The following IER3 variants were observed in gnomAD, a reference collection of about 807,000 sequenced individuals.
IER3 encodes radiation-inducible immediate-early gene IEX-1.
In IER3, 5 loss-of-function variants were observed where a neutral mutation model predicts 5.4. The ratio of observed to expected loss-of-function variants is 0.92; its 90% CI spans 0.48 to 1.94. IER3 has a LOEUF of 1.94. Among genes scored for constraint, IER3 ranks in the 30% most tolerant of loss-of-function variants. The pLI is 0.01. For synonymous variants in IER3, 81 were observed against 97.8 expected, an observed-to-expected ratio of 0.83 and a Z score of 1.01; for missense variants, 158 against 218.2, an observed-to-expected ratio of 0.72 and a Z score of 1.74.
In IER3 at chr6:30,744,185, C is replaced by T. The variant is rs774522390; in HGVS notation, c.222G>A (p.Gln74=). The change falls in exon 2 of 2, where the codon CAG becomes CAA. Residue 74 remains glutamine (Q), a synonymous_variant. Transcript: ENST00000259874. The surrounding 1 kb of genome is among the most constrained non-coding windows in gnomAD (Gnocchi z 6.0). ...RVLYPRVVRR[Q]LPVEEPNPAK... ...CTGGGTTCGGTTCCTCGACTGGCAG[C>T]TGGCGCCGGACCTAAGGGGAGACAA... 5.0e-6 allele frequency: 8 copies of T among 1,613,670 alleles called. No homozygotes were observed. The South Asian group carries it at 8.8e-5, about 18-fold the overall frequency.
rs1778195164 is a variant in IER3, at chr6:30,743,758, G to T, written c.*178C>A. The T allele has an allele frequency of 3.7e-6, 3 of 809,704 alleles. No individual in the cohort carries two copies. The East Asian group carries it at 8.4e-5, about 23-fold the overall frequency. The allele number at this position is 809,704 out of a possible 1,614,324, so 50.2% of individuals were successfully genotyped here. On this transcript the variant is annotated 3_prime_UTR_variant, in exon 2 of 2. Coordinates refer to ENST00000259874, the MANE Select transcript of IER3 (RefSeq NM_003897.4). The surrounding 1 kb of genome is among the most constrained non-coding windows in gnomAD (Gnocchi z 6.5). ...CTGGGCTGTGCCTCGGTCTCTATGC[G>T]CCTCGGTCTCTGTGCGCCTCGGTCC...
At position 30,744,313 on chromosome 6, in the gene IER3, C is replaced by A; in HGVS notation, c.206G>T (p.Arg69Leu). ...RKRSRRVLYP[R>L]VVRRQLPVEE... ...GCCCACTTCGGCGATACTCACCACTCGAGGGTAGAGAACCCTGCGGCTGCG... is the reference window on the plus strand; with the variant it reads ...GCCCACTTCGGCGATACTCACCACTAGAGGGTAGAGAACCCTGCGGCTGCG... Residue 69 changes from arginine (R) to leucine (L), a missense_variant, in exon 1 of 2, where the codon CGA becomes CTA. Transcript: ENST00000259874. The surrounding 1 kb of genome is among the most constrained non-coding windows in gnomAD (Gnocchi z 6.0). The A allele has an allele frequency of 6.2e-7, 1 of 1,612,784 alleles. No individual in the cohort carries two copies. Among genetic ancestry groups the A allele is most frequent in the Non-Finnish European group, 8.5e-7 (1 of 1,179,994 alleles).
Position 30,744,043 on chromosome 6 carries a change from G to A in IER3, c.364C>T (p.Pro122Ser), listed in dbSNP as rs774679706. 7.4e-6 allele frequency: 12 copies of A among 1,613,926 alleles called. No individual in the cohort carries two copies. Among genetic ancestry groups the A allele is most frequent in the Middle Eastern group, 3.3e-4 (2 of 6,050 alleles). ...TCGAGGACGGCGGACACAGGGGTGG[G>A]CGCCAGGGATGCGGCGTTAGGGGCG... ...EDAPNAASLA[P>S]TPVSAVLEPF... The change falls in exon 2 of 2, where the codon CCC becomes TCC. Residue 122 changes from proline to serine, a missense_variant. Physicochemically the swap from Pro to Ser is moderately conservative, Grantham distance 74 (BLOSUM62 -1). Transcript: ENST00000259874. This position sits in a 1 kb window ranked among gnomAD's most constrained non-coding sequence, Gnocchi z 6.0.
At position 30,743,999 on chromosome 6, in the gene IER3, C is replaced by T; in HGVS notation, c.408G>A (p.Ser136=). Reference sequence around the variant, plus strand: ...GGTCCAGAGCGTAGTCCGAGGGCTCCGAAGTCAGATTAAAGGGCTCGAGGA... The same window carrying T: ...GGTCCAGAGCGTAGTCCGAGGGCTCTGAAGTCAGATTAAAGGGCTCGAGGA... ...SAVLEPFNLT[S]EPSDYALDLS... Residue 136 remains serine (S), a synonymous_variant, in exon 2 of 2, where the codon TCG becomes TCA. Transcript: ENST00000259874. The surrounding 1 kb of genome is among the most constrained non-coding windows in gnomAD (Gnocchi z 6.5). 2 of 1,613,844 alleles carry T rather than the reference C, an allele frequency of 1.2e-6. No homozygotes were observed. Among genetic ancestry groups the T allele is most frequent in the South Asian group, 2.2e-5 (2 of 91,072 alleles).
rs1345250416 is a variant in IER3 at position 30,744,381 on chromosome 6, C to T, written c.138G>A (p.Ala46=). 4.4e-6 allele frequency: 7 copies of T among 1,600,066 alleles called. No homozygotes were observed. The highest frequency in any genetic ancestry group is 3.4e-6 in the Non-Finnish European group (4 of 1,175,382). ...AGGCGCTGGGGCGCCCGGCAGGGGC[C>T]GCTGCGGGCTCCGGGAGAGGGTCGA... ...FTFDPLPEPA[A]APAGRPSASR... is the part of the protein sequence containing the mutation. The change falls in exon 1 of 2, where the codon GCG becomes GCA. Residue 46 remains alanine (A), a synonymous_variant. Coordinates refer to ENST00000259874, the MANE Select transcript of IER3 (RefSeq NM_003897.4). This position sits in a 1 kb window ranked among gnomAD's most constrained non-coding sequence, Gnocchi z 6.0.
In IER3 at chr6:30,743,630, T is replaced by C; in HGVS notation, c.*306A>G. 1 of 489,052 alleles carries C rather than the reference T, an allele frequency of 2.0e-6. No individual in the cohort carries two copies. The highest frequency in any genetic ancestry group is 3.6e-6 in the Non-Finnish European group (1 of 279,670). 30.3% of individuals were successfully genotyped at this position (489,052 alleles called of 1,614,324 possible). ...AGTTAAAATAAATATTACGTACACA[T>C]CTCCATCACCTAGGAGGACGTACAT... On this transcript the variant is annotated 3_prime_UTR_variant, in exon 2 of 2. Coordinates refer to ENST00000259874, the MANE Select transcript of IER3 (RefSeq NM_003897.4). The surrounding 1 kb of genome is among the most constrained non-coding windows in gnomAD (Gnocchi z 6.5).
Position 30,743,906 on chromosome 6 carries a change from A to G in IER3, c.*30T>C. 1 of 1,585,216 alleles carries G rather than the reference A, an allele frequency of 6.3e-7. No individual in the cohort carries two copies. Among genetic ancestry groups the G allele is most frequent in the Non-Finnish European group, 8.5e-7 (1 of 1,173,214 alleles). On this transcript the variant is annotated 3_prime_UTR_variant, in exon 2 of 2. Coordinates refer to ENST00000259874, the MANE Select transcript of IER3 (RefSeq NM_003897.4). This position sits in a 1 kb window ranked among gnomAD's most constrained non-coding sequence, Gnocchi z 6.5. ...CTGGTGTTTCTTTGTGGTTTTTCGG[A>G]TTCTTTTTGGGGAGTGCGGGGAGTC...
chr6:30,743,794 A>T lies in IER3; in HGVS notation c.*142T>A. On this transcript the variant is annotated 3_prime_UTR_variant, in exon 2 of 2. Transcript: ENST00000259874. This position sits in a 1 kb window ranked among gnomAD's most constrained non-coding sequence, Gnocchi z 6.5. Reference sequence around the variant, plus strand: ...TGTGCGCCTCGGTCCCGCCTCAAGCACCGGGTGGCGTCTCCGCTGTAGTGT... The same window carrying T: ...TGTGCGCCTCGGTCCCGCCTCAAGCTCCGGGTGGCGTCTCCGCTGTAGTGT... 1 of 1,180,074 alleles carries T rather than the reference A, an allele frequency of 8.5e-7. No individual in the cohort carries two copies. The highest frequency in any genetic ancestry group is 1.2e-6 in the Non-Finnish European group (1 of 852,020). The allele number at this position is 1,180,074 out of a possible 1,614,324, so 73.1% of individuals were successfully genotyped here.
chr6:30,743,779 G>T lies in IER3; in HGVS notation c.*157C>A. On this transcript the variant is annotated 3_prime_UTR_variant, in exon 2 of 2. Coordinates refer to ENST00000259874, the MANE Select transcript of IER3 (RefSeq NM_003897.4). The surrounding 1 kb of genome is among the most constrained non-coding windows in gnomAD (Gnocchi z 6.5). ...ATGCGCCTCGGTCTCTGTGCGCCTC[G>T]GTCCCGCCTCAAGCACCGGGTGGCG... 9.7e-7 allele frequency: 1 copy of T among 1,033,030 alleles called. No homozygotes were observed. Among genetic ancestry groups the T allele is most frequent in the East Asian group, 2.6e-5 (1 of 37,878 alleles). 64.0% of individuals were successfully genotyped at this position (1,033,030 alleles called of 1,614,324 possible). A position where few individuals can be genotyped will look rare whatever the true frequency, so the allele number is the denominator to read the frequency against.
chr6:30,744,225 C>G lies in IER3; in HGVS notation c.211-29G>C. The G allele has an allele frequency of 6.2e-7, 1 of 1,613,094 alleles. No homozygotes were observed. The highest frequency in any genetic ancestry group is 8.5e-7 in the Non-Finnish European group (1 of 1,180,028). On this transcript the variant is annotated intron_variant, in intron 1 of 1. Transcript: ENST00000259874. This position sits in a 1 kb window ranked among gnomAD's most constrained non-coding sequence, Gnocchi z 6.0. ...AGGGGAGACAAAACAGGAGACAGGTCAGGTCGAGGCCTCTGGAGTCGGGTC... is the reference window on the plus strand; with the variant it reads ...AGGGGAGACAAAACAGGAGACAGGTGAGGTCGAGGCCTCTGGAGTCGGGTC...
At position 30,744,173 on chromosome 6, in the gene IER3, C is replaced by T. The variant is rs770266002; in HGVS notation, c.234G>A (p.Glu78=). 1 of 1,613,824 alleles carries T rather than the reference C, an allele frequency of 6.2e-7. No individual in the cohort carries two copies. The highest frequency in any genetic ancestry group is 1.1e-5 in the South Asian group (1 of 91,092). Reference sequence around the variant, plus strand: ...GAAGCCTTTTGGCTGGGTTCGGTTCCTCGACTGGCAGCTGGCGCCGGACCT... The same window carrying T: ...GAAGCCTTTTGGCTGGGTTCGGTTCTTCGACTGGCAGCTGGCGCCGGACCT... ...PRVVRRQLPV[E]EPNPAKRLLF... Residue 78 remains glutamate (E), a synonymous_variant, in exon 2 of 2, where the codon GAG becomes GAA. Coordinates refer to ENST00000259874, the MANE Select transcript of IER3 (RefSeq NM_003897.4). The surrounding 1 kb of genome is among the most constrained non-coding windows in gnomAD (Gnocchi z 6.0).
In IER3 at chr6:30,743,906, A is replaced by C. The variant is rs1245040510; in HGVS notation, c.*30T>G. On this transcript the variant is annotated 3_prime_UTR_variant, in exon 2 of 2. Coordinates refer to ENST00000259874, the MANE Select transcript of IER3 (RefSeq NM_003897.4). This position sits in a 1 kb window ranked among gnomAD's most constrained non-coding sequence, Gnocchi z 6.5. ...CTGGTGTTTCTTTGTGGTTTTTCGG[A>C]TTCTTTTTGGGGAGTGCGGGGAGTC... is the stretch of plus-strand genomic sequence containing the variant. 1.9e-6 allele frequency: 3 copies of C among 1,585,214 alleles called. No homozygotes were observed. Among genetic ancestry groups the C allele is most frequent in the Middle Eastern group, 1.7e-4 (1 of 5,958 alleles).
rs8512 is a variant in IER3, at chr6:30,743,580, G to A, written c.*356C>T. 0.14 allele frequency: 44,223 copies of A among 307,298 alleles called. 3,922 individuals are homozygous for A. Among genetic ancestry groups the A allele is most frequent in the South Asian group, 0.23 (3,710 of 16,382 alleles). 19.0% of individuals were successfully genotyped at this position (307,298 alleles called of 1,614,324 possible). A position where few individuals can be genotyped will look rare whatever the true frequency, so the allele number is the denominator to read the frequency against. ...ACCAAGAGACCTGCATTTACAGCAG[G>A]GGGAACATCTCACACCCTTGCATAA... is the stretch of plus-strand genomic sequence containing the variant. On this transcript the variant is annotated 3_prime_UTR_variant, in exon 2 of 2. Coordinates refer to ENST00000259874, the MANE Select transcript of IER3 (RefSeq NM_003897.4). The surrounding 1 kb of genome is among the most constrained non-coding windows in gnomAD (Gnocchi z 6.5).
At position 30,744,422 on chromosome 6, in the gene IER3, G is replaced by A; in HGVS notation, c.97C>T (p.Pro33Ser). 1.3e-6 allele frequency: 2 copies of A among 1,553,376 alleles called. No individual in the cohort carries two copies. The highest frequency in any genetic ancestry group is 1.7e-6 in the Non-Finnish European group (2 of 1,156,404). ...TIPGPRRGSG[P>S]EIFTFDPLPE... ...AGAGGGTCGAAGGTGAAGATCTCAG[G>A]ACCGGAGCCCCGCCGGGGTCCCGGG... Residue 33 changes from proline (P) to serine (S), a missense_variant, in exon 1 of 2, where the codon CCT becomes TCT. By Grantham distance (74) the Pro-to-Ser change is moderately conservative. Coordinates refer to ENST00000259874, the MANE Select transcript of IER3 (RefSeq NM_003897.4). This position sits in a 1 kb window ranked among gnomAD's most constrained non-coding sequence, Gnocchi z 6.0.
rs753279798 is a variant in IER3 at position 30,744,537 on chromosome 6, T to C, written c.-19A>G. The C allele has an allele frequency of 5.5e-6, 8 of 1,459,750 alleles. No homozygotes were observed. Among genetic ancestry groups the C allele is most frequent in the Non-Finnish European group, 7.2e-6 (8 of 1,107,856 alleles). The allele number at this position is 1,459,750 out of a possible 1,614,324, so 90.4% of individuals were successfully genotyped here. On this transcript the variant is annotated 5_prime_UTR_variant, in exon 1 of 2. Transcript: ENST00000259874. This position sits in a 1 kb window ranked among gnomAD's most constrained non-coding sequence, Gnocchi z 6.0. The stretch of plus-strand genomic sequence containing the variant: ...GACACATGGTGAGCCGAGCGGAGTG[T>C]AAGGCCAAGTGAGGGTCGGCTGCCG...
rs747413846 is a variant in IER3, at chr6:30,744,012, A to G, written c.395T>C (p.Phe132Ser). The G allele has an allele frequency of 3.1e-6, 5 of 1,613,902 alleles. No individual in the cohort carries two copies. Among genetic ancestry groups the G allele is most frequent in the Non-Finnish European group, 4.2e-6 (5 of 1,179,970 alleles). ...PTPVSAVLEPFNLTSEPSDYA... is the reference protein window; with the variant it reads ...PTPVSAVLEPSNLTSEPSDYA... ...GTCCGAGGGCTCCGAAGTCAGATTA[A>G]AGGGCTCGAGGACGGCGGACACAGG... is the stretch of plus-strand genomic sequence containing the variant. The change falls in exon 2 of 2, where the codon TTT becomes TCT. Residue 132 changes from phenylalanine (F) to serine (S), a missense_variant. Phe to Ser is a radical substitution (Grantham distance 155). Transcript: ENST00000259874. The surrounding 1 kb of genome is among the most constrained non-coding windows in gnomAD (Gnocchi z 6.0).
In IER3 at chr6:30,744,030, G is replaced by A. The variant is rs763072239; in HGVS notation, c.377C>T (p.Ser126Phe). ...CAGATTAAAGGGCTCGAGGACGGCG[G>A]ACACAGGGGTGGGCGCCAGGGATGC... is the stretch of plus-strand genomic sequence containing the variant. ...NAASLAPTPV[S>F]AVLEPFNLTS... The change falls in exon 2 of 2, where the codon TCC (serine) becomes TTC (phenylalanine). Residue 126 changes from serine (S) to phenylalanine (F), a missense_variant. By Grantham distance (155) the Ser-to-Phe change is radical. Transcript: ENST00000259874. The surrounding 1 kb of genome is among the most constrained non-coding windows in gnomAD (Gnocchi z 6.0). 1.4e-5 allele frequency: 23 copies of A among 1,613,818 alleles called. No individual in the cohort carries two copies. The highest frequency in any genetic ancestry group is 6.7e-5 in the Admixed American group (4 of 59,930).
rs1227064705 is a variant in IER3 at position 30,743,703 on chromosome 6, C to T, written c.*233G>A. On this transcript the variant is annotated 3_prime_UTR_variant, in exon 2 of 2. Coordinates refer to ENST00000259874, the MANE Select transcript of IER3 (RefSeq NM_003897.4). This position sits in a 1 kb window ranked among gnomAD's most constrained non-coding sequence, Gnocchi z 6.5. ...GGAGCAATAAGAAATAAATTAACGA[C>T]GCTCTCCTTCCCACCGGGCCTAGCC... The T allele has an allele frequency of 3.6e-6, 2 of 559,874 alleles. No individual in the cohort carries two copies. The highest frequency in any genetic ancestry group is 1.9e-5 in the African/African-American group (1 of 51,470). The allele number at this position is 559,874 out of a possible 1,614,324, so 34.7% of individuals were successfully genotyped here. A position where few individuals can be genotyped will look rare whatever the true frequency, so the allele number is the denominator to read the frequency against.
chr6:30,743,836 C>T lies in IER3; in HGVS notation c.*100G>A. ...CTGTAGTGTTCTGAGTTCAAGTTGC[C>T]TCGGAAGTCCCAGTTGGGGATACGC... On this transcript the variant is annotated 3_prime_UTR_variant, in exon 2 of 2. Coordinates refer to ENST00000259874, the MANE Select transcript of IER3 (RefSeq NM_003897.4). The surrounding 1 kb of genome is among the most constrained non-coding windows in gnomAD (Gnocchi z 6.5). 6.6e-7 allele frequency: 1 copy of T among 1,515,402 alleles called. No homozygotes were observed. 93.9% of individuals were successfully genotyped at this position (1,515,402 alleles called of 1,614,324 possible). A position where few individuals can be genotyped will look rare whatever the true frequency, so the allele number is the denominator to read the frequency against.
Sources: allele counts gnomAD v4.1 joint callset, GRCh38; gene constraint gnomAD v4.1.1; non-coding constraint Gnocchi (gnomAD v3.1); transcripts MANE v1.5; gene names NCBI Gene and HGNC (gene_info 2026-07-23, HGNC 2026-07-21).